MED16: variants seen among roughly 807,000 people sequenced by gnomAD.
MED16 encodes mediator of RNA polymerase II transcription subunit 16.
Under a neutral mutation model 84.4 loss-of-function variants are expected in MED16, and 81 were observed. The ratio of observed to expected loss-of-function variants is 0.96; its 90% CI spans 0.80 to 1.15. The LOEUF is 1.15. Among genes scored for constraint, MED16 ranks in the 50% most tolerant of loss-of-function variants. The pLI is 0.00. For synonymous variants in MED16, 897 were observed against 552.2 expected (o/e 1.62, Z -8.76); for missense variants, 1,585 against 1,245.9 (o/e 1.27, Z -4.10).
chr19:870,926 G>C, intron 13 of MED16, 111 bp downstream of exon 13: 2 of 1,119,086 alleles, frequency 1.8e-6, no homozygotes, highest in South Asian at 1.6e-5. Flanking sequence ...TGGATTCGGG[G>C]GGACCTGGGG....
chr19:885,636 C>T (rs1032782226), intron 5 of MED16, 134 bp downstream of exon 5: 178 of 1,078,692 alleles, frequency 1.7e-4, no homozygotes, highest in Non-Finnish European at 2.1e-4. Context: ...CCCTGGAGCC[C>T]CCGGGAGGGA....
At position 891,111 on chromosome 19, in the gene MED16, T is replaced by G. The variant is rs759246419; in HGVS notation, c.21A>C (p.Pro7=). 1 of 1,613,604 alleles carries G rather than the reference T, an allele frequency of 6.2e-7. No homozygotes were observed. MCDLRR[P]AAGGMMDLAY... is the part of the protein sequence containing the mutation. Reference sequence around the variant, plus strand: ...CCAAGTCCATCATCCCACCTGCCGCTGGCCGCCGCAAATCACACATGAGGG... The same window carrying G: ...CCAAGTCCATCATCCCACCTGCCGCGGGCCGCCGCAAATCACACATGAGGG... The change falls in exon 2 of 16, where the codon CCA becomes CCC. Residue 7 remains proline (P), a synonymous_variant. Transcript: ENST00000325464.
intron 6 of MED16, among the ~76,000 whole-genome samples, chr19:883,640 C>CG (rs1599338119): frequency 1.3e-5 from 2 of 152,040 alleles, no homozygotes; most frequent in Admixed American, 6.6e-5. Flanking sequence ...CAGGTGAGGA[C>CG]GGCTGCAGGA....
rs1312043149 is a variant in MED16, at chr19:886,213, G to A, written c.448-12C>T. On this transcript the variant is annotated splice_polypyrimidine_tract_variant and intron_variant, in intron 4 of 15. Coordinates refer to ENST00000325464, the MANE Select transcript of MED16 (RefSeq NM_005481.3). ...CTGGAGGCGCCCGACTGTGGAGAAG[G>A]GAGGGAGGGAGGAGGGGCCGCTCAG... The A allele has an allele frequency of 2.0e-6, 3 of 1,487,624 alleles. No individual in the cohort carries two copies. The highest frequency in any genetic ancestry group is 2.7e-6 in the Non-Finnish European group (3 of 1,123,924). The allele number at this position is 1,487,624 out of a possible 1,614,324, so 92.2% of individuals were successfully genotyped here.
At chr19:869,811 G>A (rs574625488) in intron 13 of MED16, among the ~76,000 whole-genome samples, 9 of 152,348 alleles carry the variant, frequency 5.9e-5, no homozygotes, top group African/African-American at 2.4e-5. Context: ...GGGTTTGCAT[G>A]TGCTCCTTGT....
In MED16 at chr19:871,187, C is replaced by T. The variant is rs368424152; in HGVS notation, c.2165G>A (p.Ser722Asn). ...GTCCAGGCTGGGGATAAGCAGCTGG[C>T]TGGGCAGCAGGCAGCATTCATCCAC... ...ALVDECCLLP[S>N]QLLIPSLDWL... Residue 722 changes from serine to asparagine, a missense_variant, in exon 13 of 16, where the codon AGC becomes AAC. Coordinates refer to ENST00000325464, the MANE Select transcript of MED16 (RefSeq NM_005481.3). 1.3e-6 allele frequency: 2 copies of T among 1,549,968 alleles called. No homozygotes were observed. Among genetic ancestry groups the T allele is most frequent in the African/African-American group, 2.7e-5 (2 of 73,248 alleles).
intron 4 of MED16, among the ~76,000 whole-genome samples, chr19:886,945 A>G (rs2930901): frequency 0.28 from 41,727 of 151,730 alleles, 6,363 homozygotes; most frequent in African/African-American, 0.38. Flanking sequence ...CGGGCATGGT[A>G]GCGGGTGCCT....
intron 12 of MED16, 194 bp downstream of exon 12, chr19:871,732 C>A (rs749338217): frequency 1.0e-4 from 81 of 791,862 alleles, no homozygotes; most frequent in Middle Eastern, 3.1e-4. Context: ...GCGGGGGGCT[C>A]AGGCAGGACT....
rs62132312 is a variant in MED16 at position 883,018 on chromosome 19, G to A, written c.986-1304C>T. Among the ~76,000 whole-genome samples the A allele has an allele frequency of 5.7e-3, 866 of 152,296 alleles. 1 individual carries two copies. Among genetic ancestry groups the A allele is most frequent in the Non-Finnish European group, 8.4e-3 (569 of 68,016 alleles). On this transcript the variant is annotated intron_variant, in intron 6 of 15. Transcript: ENST00000325464. ...TCATAGGAAAGACAGGAAACTCAAC[G>A]CCCCAGCGCCGGGGGAGGCAGCTGC...
At chr19:889,159 A>C (rs2036582620) in intron 4 of MED16, among the ~76,000 whole-genome samples, 1 of 124,600 alleles carries the variant, frequency 8.0e-6, no homozygotes, top group Non-Finnish European at 1.6e-5. Flanking sequence ...TGTCCCCCCC[A>C]ACCCTGGCCA....
rs1313997941 is a variant in MED16 at position 890,198 on chromosome 19, G to T, written c.216C>A (p.Asp72Glu). 2 of 1,555,032 alleles carry T rather than the reference G, an allele frequency of 1.3e-6. No individual in the cohort carries two copies. Among genetic ancestry groups the T allele is most frequent in the South Asian group, 2.4e-5 (2 of 84,264 alleles). ...GGTGCTCTGAGGGGATCGAGTGCAG[G>T]TCCCAGGGGTGCTCCGTGTCCAGGA... ...IHILDTEHPW[D>E]LHSIPSEHHE... is the part of the protein sequence containing the mutation. The change falls in exon 3 of 16, where the codon GAC becomes GAA. Residue 72 changes from aspartate (D) to glutamate (E), a missense_variant. Asp to Glu is a conservative substitution (Grantham distance 45). Coordinates refer to ENST00000325464, the MANE Select transcript of MED16 (RefSeq NM_005481.3).
chr19:873,107 GTGGGGCAGGGCTCCGAGA>G lies in MED16; in HGVS notation c.1905+324_1905+341del, dbSNP rs1181080776. 19 of 151,650 alleles carry G rather than the reference GTGGGGCAGGGCTCCGAGA, an allele frequency of 1.3e-4. 3 individuals are homozygous for G. Among genetic ancestry groups the G allele is most frequent in the African/African-American group, 2.4e-4 (5 of 21,230 alleles). 9.4% of individuals were successfully genotyped at this position (151,650 alleles called of 1,614,324 possible). A position where few individuals can be genotyped will look rare whatever the true frequency, so the allele number is the denominator to read the frequency against. On this transcript the variant is annotated intron_variant, in intron 11 of 15. Coordinates refer to ENST00000325464, the MANE Select transcript of MED16 (RefSeq NM_005481.3). The stretch of plus-strand genomic sequence containing the variant: ...CTCCGAGGTGGGGGAGGGCTCCGAG[GTGGGGCAGGGCTCCGAGA>G]TGGGGCAGGGCTCCGAGGTGGGGCA...
chr19:871,332 TCCAGTTCAGGAGCACCA>T, intron 12 of MED16, 79 bp from the exon 13 acceptor site: 1 of 1,424,850 alleles, frequency 7.0e-7, no homozygotes, highest in Non-Finnish European at 9.4e-7. Context: ...TGGGAGCCCC[TCCAGTTCAGGAGCACCA>T]GGTCAGGGCC....
At chr19:885,749 T>A (rs747218700) in intron 5 of MED16, 21 bp downstream of exon 5, 1 of 1,597,336 alleles carries the variant, frequency 6.3e-7, no homozygotes, top group East Asian at 2.2e-5. Flanking sequence ...CCAGCCCACG[T>A]GATGGCCTGC....
At position 891,139 on chromosome 19, in the gene MED16, G is replaced by A; in HGVS notation, c.-8C>T. On this transcript the variant is annotated 5_prime_UTR_variant, in exon 2 of 16. Coordinates refer to ENST00000325464, the MANE Select transcript of MED16 (RefSeq NM_005481.3). The stretch of plus-strand genomic sequence containing the variant: ...CCGCCGCAAATCACACATGAGGGCA[G>A]TCACCAGCTCCTGCGGGAGGGAGGT... 2 of 1,610,098 alleles carry A rather than the reference G, an allele frequency of 1.2e-6. No individual in the cohort carries two copies. Among genetic ancestry groups the A allele is most frequent in the Non-Finnish European group, 8.5e-7 (1 of 1,177,820 alleles).
At chr19:870,395 T>G (rs1235316350) in intron 13 of MED16, among the ~76,000 whole-genome samples, 3 of 151,982 alleles carry the variant, frequency 2.0e-5, no homozygotes, top group African/African-American at 7.2e-5. Flanking sequence ...ACCGCCTCTA[T>G]ACCAAAAATA....
At chr19:885,702 C>T (rs2036511285) in intron 5 of MED16, 68 bp downstream of exon 5, 2 of 1,555,916 alleles carry the variant, frequency 1.3e-6, no homozygotes, top group Admixed American at 1.7e-5. Context: ...GTCTCCACCC[C>T]CAGGACCCTG....
In MED16 at chr19:877,074, T is replaced by C; in HGVS notation, c.1460A>G (p.Asp487Gly). The C allele has an allele frequency of 6.2e-7, 1 of 1,612,650 alleles. No individual in the cohort carries two copies. Among genetic ancestry groups the C allele is most frequent in the Non-Finnish European group, 8.5e-7 (1 of 1,179,876 alleles). The change falls in exon 9 of 16, where the codon GAC becomes GGC. Residue 487 changes from aspartate (D) to glycine (G), a missense_variant. Asp to Gly is a moderately conservative substitution (Grantham distance 94). Transcript: ENST00000325464. The part of the protein sequence containing the change: ...LLEYCMVTGY[D>G]WWDILLHVQP... ...CACGTGCAGCAGGATGTCCCACCAG[T>C]CGTAGCCGGTCACCATGCAGTACTC... is the stretch of plus-strand genomic sequence containing the variant.
chr19:877,555 A>ACACAGACAAGGCAG (rs1405920594), intron 8 of MED16, among the ~76,000 whole-genome samples: 5 of 152,222 alleles, frequency 3.3e-5, no homozygotes, highest in Admixed American at 2.0e-4. Context: ...CGAACCCATC[A>ACACAGACAAGGCAG]CACAGACAAG....
Sources: gnomAD v4.1 joint callset for allele counts (sites outside exome capture counted in the v4.1 genomes callset) on GRCh38, gnomAD v4.1.1 for gene constraint, MANE v1.5 for transcripts, NCBI Gene and HGNC (gene_info 2026-07-23, HGNC 2026-07-21) for gene names.